Variants in MACROD2 observed in about 807,000 individuals in gnomAD.
MACROD2 encodes mono-ADP ribosylhydrolase 2.
MACROD2 carries 36 observed loss-of-function variants against 70.4 expected under a neutral mutation model. That is an observed-to-expected ratio of 0.51 (90% CI 0.39 to 0.68). The LOEUF is 0.68. Among genes scored for constraint, MACROD2 ranks in the 30% least tolerant of loss-of-function variants. The pLI is 0.00. For synonymous variants in MACROD2, 172 were observed against 178.8 expected (o/e 0.96, Z 0.30); for missense variants, 496 against 538.4 (o/e 0.92, Z 0.78).
intron 6 of MACROD2, among the ~76,000 whole-genome samples, chr20:15,232,736 G>A (rs1178639327): frequency 6.6e-6 from 1 of 151,894 alleles, no homozygotes. Context: ...GTAATTTCTT[G>A]ATGTTTTTAA....
chr20:15,870,255 A>G (rs1046281521), intron 9 of MACROD2, among the ~76,000 whole-genome samples: 1 of 151,226 alleles, frequency 6.6e-6, no homozygotes, highest in Non-Finnish European at 1.5e-5. Context: ...TATTATTATT[A>G]TTATTATTAT....
chr20:15,083,406 A>G (rs566342599), intron 5 of MACROD2, among the ~76,000 whole-genome samples: 1 of 152,188 alleles, frequency 6.6e-6, no homozygotes, highest in Non-Finnish European at 1.5e-5. Context: ...CGACAATGCT[A>G]TTAATTTTCA....
At chr20:16,044,402 AC>A (rs746750498) in intron 16 of MACROD2, among the ~76,000 whole-genome samples, 168 bp from the exon 17 acceptor site, 1 of 152,106 alleles carries the variant, frequency 6.6e-6, no homozygotes. Context: ...CTCTACCCCC[AC>A]CAGTAAAAAT....
intron 8 of MACROD2, among the ~76,000 whole-genome samples, chr20:15,840,260 G>A (rs2147129626): frequency 6.6e-6 from 1 of 152,282 alleles, no homozygotes; most frequent in African/African-American, 2.4e-5. Flanking sequence ...TTACCTGTTG[G>A]CAGAAAACAA....
chr20:14,134,387 T>C (rs2054761914), intron 3 of MACROD2, among the ~76,000 whole-genome samples: 1 of 152,222 alleles, frequency 6.6e-6, no homozygotes, highest in African/African-American at 2.4e-5. Context: ...CCTAACCACT[T>C]TGATCTTATT....
At chr20:15,422,925 C>T (rs955057699) in intron 6 of MACROD2, among the ~76,000 whole-genome samples, 1 of 152,176 alleles carries the variant, frequency 6.6e-6, no homozygotes, top group Admixed American at 6.5e-5. Flanking sequence ...ATCTTTATTT[C>T]CTGCATTGGT....
intron 7 of MACROD2, among the ~76,000 whole-genome samples, chr20:15,475,488 C>G (rs1157562379): frequency 2.0e-5 from 3 of 152,194 alleles, no homozygotes; most frequent in African/African-American, 4.8e-5. Context: ...AGGAAAATCA[C>G]ATTCAGATGG....
chr20:15,128,252 T>A (rs1318432863), intron 5 of MACROD2, among the ~76,000 whole-genome samples: 1 of 152,092 alleles, frequency 6.6e-6, no homozygotes, highest in Non-Finnish European at 1.5e-5. Context: ...AATCTTGTTT[T>A]TACAGTAGGT....
At chr20:15,006,141 ATGTGTGTGTGTGTGTGTGTG>A (rs11473589) in intron 5 of MACROD2, among the ~76,000 whole-genome samples, 1 of 134,292 alleles carries the variant, frequency 7.4e-6, no homozygotes, top group Non-Finnish European at 1.6e-5. Context: ...ATATATATAT[ATGTGTGTGTGTGTGTGTGTG>A]TGTGTGTGTG....
rs1485161899 is a variant in MACROD2, at chr20:14,215,335, TATACACACACAC to T, written c.271+129609_271+129620del. Among the ~76,000 whole-genome samples the T allele has an allele frequency of 4.7e-3, 477 of 101,720 alleles. 2 individuals carry two copies. Among genetic ancestry groups the T allele is most frequent in the Middle Eastern group, 0.01 (2 of 196 alleles). 66.7% of individuals were successfully genotyped at this position (101,720 alleles called of 152,430 possible). A position where few individuals can be genotyped will look rare whatever the true frequency, so the allele number is the denominator to read the frequency against. The stretch of plus-strand genomic sequence containing the variant: ...CATCATATATATCTATGCCATCATA[TATACACACACAC>T]ACACACACACACACACACACACACA... On this transcript the variant is annotated intron_variant, in intron 3 of 17. Coordinates refer to ENST00000684519, the MANE Select transcript of MACROD2 (RefSeq NM_001351661.2).
At chr20:15,601,462 A>C (rs2048818800) in intron 8 of MACROD2, among the ~76,000 whole-genome samples, 1 of 136,900 alleles carries the variant, frequency 7.3e-6, no homozygotes, top group Non-Finnish European at 1.5e-5. Flanking sequence ...ACCTTCATGC[A>C]AAAAAAAAGA....
chr20:14,498,463 T>G (rs955909437), intron 4 of MACROD2, among the ~76,000 whole-genome samples: 1 of 152,188 alleles, frequency 6.6e-6, no homozygotes, highest in African/African-American at 2.4e-5. Context: ...CAGTATTGAT[T>G]ATTGATTGGG....
intron 6 of MACROD2, among the ~76,000 whole-genome samples, chr20:15,295,379 C>T (rs1241594365): frequency 1.3e-5 from 2 of 152,120 alleles, no homozygotes; most frequent in Admixed American, 1.3e-4. Flanking sequence ...AGGAAAAACA[C>T]AATTCTTCCT....
chr20:14,068,939 T>A (rs1369809388), intron 2 of MACROD2, among the ~76,000 whole-genome samples: 1 of 151,606 alleles, frequency 6.6e-6, no homozygotes, highest in African/African-American at 2.4e-5. Context: ...TTTAAATGGC[T>A]TTTTTTTGTT....
intron 5 of MACROD2, among the ~76,000 whole-genome samples, chr20:14,993,194 G>A (rs554127306): frequency 4.6e-5 from 7 of 151,734 alleles, no homozygotes; most frequent in Admixed American, 2.6e-4. Flanking sequence ...CTTGCTATTC[G>A]TGAACTTGTT....
chr20:15,412,473 C>T (rs942458652), intron 6 of MACROD2, among the ~76,000 whole-genome samples: 2 of 152,162 alleles, frequency 1.3e-5, no homozygotes, highest in Non-Finnish European at 2.9e-5. Context: ...AACAAAGCAT[C>T]AGCACATTGC....
intron 6 of MACROD2, among the ~76,000 whole-genome samples, chr20:15,378,283 G>GAAAAAAAA (rs11087133): frequency 1.1e-5 from 1 of 87,538 alleles, no homozygotes; most frequent in Non-Finnish European, 2.4e-5. Context: ...CAATAAAATT[G>GAAAAAAAA]AAAAAAAAAA....
chr20:15,038,133 G>T (rs186918917), intron 5 of MACROD2, among the ~76,000 whole-genome samples: 29 of 152,250 alleles, frequency 1.9e-4, no homozygotes, highest in Non-Finnish European at 8.8e-5. Flanking sequence ...TAGAATATAT[G>T]CCACCTAGCT....
At chr20:14,352,930 TTA>T (rs1446886037) in intron 3 of MACROD2, among the ~76,000 whole-genome samples, 1 of 152,168 alleles carries the variant, frequency 6.6e-6, no homozygotes, top group Non-Finnish European at 1.5e-5. Flanking sequence ...AGTTGAAATA[TTA>T]TGAGTTTCCA....
Sources: allele counts gnomAD v4.1 joint callset (sites outside exome capture counted in the v4.1 genomes callset), GRCh38; gene constraint gnomAD v4.1.1; transcripts MANE v1.5; gene names NCBI Gene and HGNC (gene_info 2026-07-23, HGNC 2026-07-21).